Variants in TNR observed in about 807,000 individuals in gnomAD.
TNR encodes tenascin R.
TNR carries 45 observed loss-of-function variants against 150.4 expected under a neutral mutation model. The observed-to-expected ratio is 0.30, with a 90% CI of 0.24 to 0.38. The LOEUF is 0.38. TNR is among the 10% of genes least tolerant of loss of function. The pLI is 1.00. For missense variants in TNR, 1,544 were observed against 1,759.1 expected (o/e 0.88, Z 2.19); for synonymous variants, 687 against 678.4 (o/e 1.01, Z -0.20).
At chr1:175,327,498 CCCA>C (rs1649468251) in intron 21 of TNR, among the ~76,000 whole-genome samples, 1 of 152,096 alleles carries the variant, frequency 6.6e-6, no homozygotes, top group Non-Finnish European at 1.5e-5. Context: ...CTTCCTAAAC[CCCA>C]CTTCTATTTT....
At chr1:175,498,721 A>G (rs963238919) in intron 2 of TNR, among the ~76,000 whole-genome samples, 4 of 152,206 alleles carry the variant, frequency 2.6e-5, no homozygotes, top group African/African-American at 9.6e-5. Context: ...TACATGCTGG[A>G]GAGCTGGCAG....
At chr1:175,534,532 G>C (rs1206097415) in intron 1 of TNR, among the ~76,000 whole-genome samples, 1 of 152,146 alleles carries the variant, frequency 6.6e-6, no homozygotes, top group Non-Finnish European at 1.5e-5. Context: ...AGTGCATCAG[G>C]GCTCTGACCC....
At chr1:175,416,208 A>G (rs1309502149) in intron 2 of TNR, among the ~76,000 whole-genome samples, 1 of 152,108 alleles carries the variant, frequency 6.6e-6, no homozygotes, top group Non-Finnish European at 1.5e-5. Flanking sequence ...ATTGTATATG[A>G]TCCCATTTAA....
intron 2 of TNR, among the ~76,000 whole-genome samples, chr1:175,526,848 T>C (rs536788450): frequency 6.6e-6 from 1 of 152,286 alleles, no homozygotes; most frequent in South Asian, 2.1e-4. Context: ...CACCAAGCCA[T>C]GCTAGTGAAA....
At chr1:175,362,412 T>C (rs538447441) in intron 14 of TNR, among the ~76,000 whole-genome samples, 27 of 152,332 alleles carry the variant, frequency 1.8e-4, no homozygotes, top group African/African-American at 6.5e-4. Context: ...AAGGGCACTG[T>C]TTATGTTGGA....
In TNR at chr1:175,362,776, G is replaced by A. The variant is rs1327511377; in HGVS notation, c.2741C>T (p.Thr914Ile). Residue 914 changes from threonine to isoleucine, a missense_variant, in exon 14 of 23, where the codon ACT becomes ATT. Physicochemically the swap from Thr to Ile is moderately conservative, Grantham distance 89. Transcript: ENST00000367674. ...TCTGGTGATGGTGAATTCTGTCACA[G>A]TGTTGGGCACCACTGAGCTGTCTAG... is the stretch of plus-strand genomic sequence containing the variant. Reference protein sequence around the residue: ...GRLDSSVVPNTVTEFTITRLN... With the variant: ...GRLDSSVVPNIVTEFTITRLN... 2.5e-6 allele frequency: 4 copies of A among 1,614,026 alleles called. No individual in the cohort carries two copies. The South Asian group carries it at 3.3e-5, about 13-fold the overall frequency.
intron 2 of TNR, among the ~76,000 whole-genome samples, chr1:175,453,735 C>T (rs1171326290): frequency 6.6e-6 from 1 of 151,902 alleles, no homozygotes; most frequent in African/African-American, 2.4e-5. Flanking sequence ...CCACACCTGG[C>T]TAATTAAAAA....
intron 1 of TNR, among the ~76,000 whole-genome samples, chr1:175,548,203 ATACAGTTTTAGAACCCCATGTC>A (rs1660789932): frequency 6.6e-6 from 1 of 152,142 alleles, no homozygotes; most frequent in Non-Finnish European, 1.5e-5. Context: ...CCTCCCTAGA[ATACAGTTTTAGAACCCCATGTC>A]TACAGTTTTA....
intron 1 of TNR, among the ~76,000 whole-genome samples, chr1:175,587,251 G>T (rs1052389523): frequency 6.6e-6 from 1 of 152,160 alleles, no homozygotes; most frequent in African/African-American, 2.4e-5. Context: ...GGTCCTGATT[G>T]TTAATAAATA....
At chr1:175,680,770 T>G (rs1441592008) in intron 1 of TNR, among the ~76,000 whole-genome samples, 1 of 152,166 alleles carries the variant, frequency 6.6e-6, no homozygotes, top group Non-Finnish European at 1.5e-5. Context: ...GGTCTGAGTG[T>G]AAGGACTGAG....
chr1:175,364,961 T>A, intron 12 of TNR, 49 bp downstream of exon 12: 1 of 1,548,656 alleles, frequency 6.5e-7, no homozygotes, highest in South Asian at 1.2e-5. Context: ...TGTCAAAGGC[T>A]ACTGTGAAAA....
chr1:175,681,862 C>A (rs1666044235), intron 1 of TNR, among the ~76,000 whole-genome samples: 1 of 152,148 alleles, frequency 6.6e-6, no homozygotes, highest in South Asian at 2.1e-4. Flanking sequence ...CACCTGCCAC[C>A]TGAAGCTGGC....
Position 175,323,126 on chromosome 1 carries a change from T to G in TNR, c.*231A>C. The stretch of plus-strand genomic sequence containing the variant: ...TTCTCCTCCTTGGTGGGAAAGGAGG[T>G]GAAGGTTGAGGAGGCCTGGGTAGGA... On this transcript the variant is annotated 3_prime_UTR_variant, in exon 23 of 23. Transcript: ENST00000367674. 1 of 428,714 alleles carries G rather than the reference T, an allele frequency of 2.3e-6. No homozygotes were observed. The highest frequency in any genetic ancestry group is 5.1e-5 in the South Asian group (1 of 19,658). The allele number at this position is 428,714 out of a possible 1,614,324, so 26.6% of individuals were successfully genotyped here. A position where few individuals can be genotyped will look rare whatever the true frequency, so the allele number is the denominator to read the frequency against.
intron 1 of TNR, among the ~76,000 whole-genome samples, chr1:175,723,494 C>T (rs933523629): frequency 6.6e-6 from 1 of 152,146 alleles, no homozygotes. Context: ...TCTTTTGGAG[C>T]TTACAGTCTA....
chr1:175,614,021 G>A (rs1009693752), intron 1 of TNR, among the ~76,000 whole-genome samples: 5 of 152,004 alleles, frequency 3.3e-5, no homozygotes, highest in Non-Finnish European at 2.9e-5. Context: ...CTAAGCCTCC[G>A]TTTCTTTATC....
intron 1 of TNR, among the ~76,000 whole-genome samples, chr1:175,656,938 A>T (rs2101893814): frequency 6.6e-6 from 1 of 152,292 alleles, no homozygotes; most frequent in Non-Finnish European, 1.5e-5. Flanking sequence ...ATGTTTGCTA[A>T]AGGATGCTAT....
chr1:175,560,724 A>G (rs564219760), intron 1 of TNR, among the ~76,000 whole-genome samples: 1 of 152,014 alleles, frequency 6.6e-6, no homozygotes, highest in East Asian at 1.9e-4. Context: ...CAAAAAATCT[A>G]GTTTTTCTCA....
At chr1:175,670,826 T>C (rs982321208) in intron 1 of TNR, among the ~76,000 whole-genome samples, 1 of 152,180 alleles carries the variant, frequency 6.6e-6, no homozygotes, top group African/African-American at 2.4e-5. Flanking sequence ...CAAACGCTTA[T>C]ACCCTGGACT....
chr1:175,367,080 A>T, intron 10 of TNR, 128 bp downstream of exon 10: 1 of 741,178 alleles, frequency 1.3e-6, no homozygotes, highest in Non-Finnish European at 2.3e-6. Context: ...CTAGGCTGAC[A>T]GTTGTCACCA....
Sources: allele counts gnomAD v4.1 joint callset (sites outside exome capture counted in the v4.1 genomes callset), GRCh38; gene constraint gnomAD v4.1.1; transcripts MANE v1.5; gene names NCBI Gene and HGNC (gene_info 2026-07-23, HGNC 2026-07-21).